PRKCH: variants seen among roughly 807,000 people sequenced by gnomAD.
PRKCH encodes the protein protein kinase C eta type.
Under a neutral mutation model 82.5 loss-of-function variants are expected in PRKCH, and 28 were observed. The observed-to-expected ratio is 0.34, with a 90% confidence interval of 0.25 to 0.47. The LOEUF (loss-of-function observed/expected upper bound fraction) is 0.47, where lower values mean the gene tolerates loss of function less well. Ranked by LOEUF, PRKCH falls within the 20% of genes least tolerant of loss-of-function variation. The pLI, the probability that PRKCH is intolerant of heterozygous loss-of-function variation, is 1.00. For missense variants in PRKCH, 705 were observed against 881.8 expected, an observed-to-expected ratio of 0.80 and a Z score of 2.54; for synonymous variants, 322 against 327.4, an observed-to-expected ratio of 0.98 and a Z score of 0.18.
At chr14:61,273,038 A>T (rs1432231484) in intron 1 of PRKCH, among the ~76,000 whole-genome samples, 1 of 152,222 alleles carries the variant, frequency 6.6e-6, no homozygotes, top group African/African-American at 2.4e-5. Flanking sequence ...TTAAAAAAAT[A>T]AAAATACCTT....
intron 1 of PRKCH, among the ~76,000 whole-genome samples, chr14:61,368,638 T>A (rs888080031): frequency 6.6e-6 from 1 of 152,080 alleles, no homozygotes; most frequent in Non-Finnish European, 1.5e-5. Context: ...ACTGATCACC[T>A]CCTCTCTTAC....
chr14:61,360,237 G>A (rs149091105), intron 1 of PRKCH, among the ~76,000 whole-genome samples: 1 of 152,354 alleles, frequency 6.6e-6, no homozygotes, highest in Non-Finnish European at 1.5e-5. Context: ...GGGTGCAGTG[G>A]CTCACGCCCA....
chr14:61,341,604 GT>G (rs1185400770), intron 1 of PRKCH, among the ~76,000 whole-genome samples: 1 of 152,178 alleles, frequency 6.6e-6, no homozygotes, highest in Non-Finnish European at 1.5e-5. Flanking sequence ...GGGTAGTTGA[GT>G]TTAGGAATAG....
chr14:61,238,101 G>C (rs2044806345), intron 1 of PRKCH, among the ~76,000 whole-genome samples: 1 of 152,168 alleles, frequency 6.6e-6, no homozygotes, highest in Non-Finnish European at 1.5e-5. Flanking sequence ...GAAACCTTTA[G>C]GCCAAACTTA....
At chr14:61,257,698 T>A (rs185097639) in intron 1 of PRKCH, among the ~76,000 whole-genome samples, 1 of 151,966 alleles carries the variant, frequency 6.6e-6, no homozygotes, top group East Asian at 1.9e-4. Flanking sequence ...GGGGAGCTTA[T>A]TTTTCACCTT....
chr14:61,364,280 T>G (rs1164298700), intron 1 of PRKCH, among the ~76,000 whole-genome samples: 1 of 151,740 alleles, frequency 6.6e-6, no homozygotes, highest in Admixed American at 6.6e-5. Flanking sequence ...TTGAAGAGAA[T>G]GGAGACTGTT....
At chr14:61,301,500 T>A (rs529738059) in intron 1 of PRKCH, among the ~76,000 whole-genome samples, 1 of 152,360 alleles carries the variant, frequency 6.6e-6, no homozygotes, top group South Asian at 2.1e-4. Flanking sequence ...ATGTCATAGT[T>A]TTTGGCATGC....
chr14:61,320,716 C>T (rs866541438), upstream of PRKCH, among the ~76,000 whole-genome samples: 1 of 152,352 alleles, frequency 6.6e-6, no homozygotes, highest in South Asian at 2.1e-4. Context: ...CTAAAAGGTC[C>T]TCCCCGGAGA....
rs145774074 is a variant in PRKCH, at chr14:61,201,930, G to A, written c.-19+14262G>A. 2.7e-3 allele frequency among the ~76,000 whole-genome samples: 406 copies of A among 152,240 alleles called. 1 individual carries two copies. Among genetic ancestry groups the A allele is most frequent in the African/African-American group, 8.6e-3 (358 of 41,552 alleles). ...AAAGTGAGCCTGGGGTGCTGATTAT[G>A]GAGTGAGATTTTTACTCTTTATTTT... On this transcript the variant is annotated intron_variant, in intron 1 of 3. Coordinates refer to the PRKCH transcript ENST00000555185.
At chr14:61,547,479 GA>G (rs1566938778) in intron 12 of PRKCH, among the ~76,000 whole-genome samples, 1 of 152,182 alleles carries the variant, frequency 6.6e-6, no homozygotes, top group Non-Finnish European at 1.5e-5. Context: ...GGTGTTTACA[GA>G]AAAGAAAACT....
At chr14:61,217,484 G>A (rs961436171) in intron 1 of PRKCH, among the ~76,000 whole-genome samples, 1 of 152,172 alleles carries the variant, frequency 6.6e-6, no homozygotes, top group South Asian at 2.1e-4. Flanking sequence ...GGGCAGATTA[G>A]TGCTAGTTCT....
intron 2 of PRKCH, among the ~76,000 whole-genome samples, chr14:61,416,611 A>G (rs1220316343): frequency 6.6e-6 from 1 of 152,038 alleles, no homozygotes; most frequent in Non-Finnish European, 1.5e-5. Flanking sequence ...GTCCTGAGAT[A>G]CAACACCCCC....
intron 2 of PRKCH, among the ~76,000 whole-genome samples, chr14:61,400,598 G>A (rs183092822): frequency 1.7e-3 from 261 of 152,264 alleles, no homozygotes; most frequent in Non-Finnish European, 2.5e-3. Context: ...ATGCTCTCTC[G>A]TCTTCTCCAT....
intron 9 of PRKCH, among the ~76,000 whole-genome samples, chr14:61,479,987 G>C (rs1885893678): frequency 6.6e-6 from 1 of 152,188 alleles, no homozygotes; most frequent in South Asian, 2.1e-4. Flanking sequence ...GAGAGGAGCA[G>C]GGACAAAGGG....
chr14:61,485,566 C>T lies in PRKCH; in HGVS notation c.1343C>T (p.Ser448Phe). The change falls in exon 10 of 14, where the codon TCT becomes TTT. Residue 448 changes from serine to phenylalanine, a missense_variant. Ser to Phe is a radical substitution (Grantham distance 155). Around this residue, in one of 5 missense-constraint regions of PRKCH, gnomAD observed 238 missense variants for 258.1 expected, o/e 0.92. Coordinates refer to ENST00000332981, the MANE Select transcript of PRKCH (RefSeq NM_006255.5). ...GACTTGATGTTCCACATTCAGAAGT[C>T]TCGTCGTTTTGATGAAGCACGAGCT... ...GGDLMFHIQK[S>F]RRFDEARARF... The T allele has an allele frequency of 6.2e-7, 1 of 1,614,108 alleles. No individual in the cohort carries two copies. Among genetic ancestry groups the T allele is most frequent in the Non-Finnish European group, 8.5e-7 (1 of 1,180,022 alleles).
intron 9 of PRKCH, chr14:61,462,950 C>T (rs1885094852): frequency 6.6e-6 from 1 of 152,462 alleles, no homozygotes; most frequent in Non-Finnish European, 1.5e-5. Flanking sequence ...CTGACTCTGA[C>T]TCCATATGTT....
At position 61,256,967 on chromosome 14, in the gene PRKCH, C is replaced by T. The variant is rs76558418; in HGVS notation, c.-19+69299C>T. ...TTCCTTCACTGTGTTTATCTTGGCCCGCCATGTCTCTTTATGGAGAAAATG... is the reference window on the plus strand; with the variant it reads ...TTCCTTCACTGTGTTTATCTTGGCCTGCCATGTCTCTTTATGGAGAAAATG... On this transcript the variant is annotated intron_variant, in intron 1 of 3. Transcript: ENST00000555185. Among the ~76,000 whole-genome samples, 1,041 of 152,232 alleles carry T rather than the reference C, an allele frequency of 6.8e-3. 39 individuals are homozygous for T. The East Asian group carries it at 0.094, about 14-fold the overall frequency.
chr14:61,322,806 G>A (rs867560006), intron 1 of PRKCH: 4 of 265,224 alleles, frequency 1.5e-5, no homozygotes, highest in Middle Eastern at 2.5e-3. Context: ...GGTAGGAAAG[G>A]CAGGGAAGGA....
At chr14:61,506,071 A>G (rs1489426093) in intron 10 of PRKCH, among the ~76,000 whole-genome samples, 4 of 152,140 alleles carry the variant, frequency 2.6e-5, no homozygotes, top group Admixed American at 2.0e-4. Context: ...AATGCCTACC[A>G]GGCCTGGTTC....
Sources: gnomAD v4.1 joint callset for allele counts (sites outside exome capture counted in the v4.1 genomes callset) on GRCh38, gnomAD v4.1.1 for gene constraint, gnomAD v4.1.1 regional missense constraint, MANE v1.5 for transcripts, NCBI Gene and HGNC (gene_info 2026-07-23, HGNC 2026-07-21) for gene names.